Variants in CTSO observed in about 807,000 individuals in gnomAD.
The protein encoded by CTSO is cathepsin O.
Under a neutral mutation model 42.4 loss-of-function variants are expected in CTSO, and 40 were observed. The ratio of observed to expected loss-of-function variants is 0.94; its 90% CI spans 0.73 to 1.23. CTSO has a LOEUF of 1.23. CTSO is among the 50% of genes most tolerant of loss of function. The pLI, the probability that CTSO is intolerant of heterozygous loss-of-function variation, is 0.00. For synonymous variants in CTSO, 156 were observed against 146.2 expected (o/e 1.07, Z -0.48); for missense variants, 441 against 396.0 (o/e 1.11, Z -0.96).
chr4:155,948,303 C>T (rs1743584383), intron 1 of CTSO, among the ~76,000 whole-genome samples: 1 of 152,108 alleles, frequency 6.6e-6, no homozygotes, highest in Non-Finnish European at 1.5e-5. Flanking sequence ...AAGACTCTGT[C>T]CCTAAAGCTA....
intron 3 of CTSO, among the ~76,000 whole-genome samples, chr4:155,940,772 G>A (rs1743415993): frequency 6.6e-6 from 1 of 152,054 alleles, no homozygotes; most frequent in African/African-American, 2.4e-5. Flanking sequence ...GAACCTGGGA[G>A]GTGGAGGTTG....
At chr4:155,941,204 T>G (rs1297244830) in intron 3 of CTSO, among the ~76,000 whole-genome samples, 1 of 152,252 alleles carries the variant, frequency 6.6e-6, no homozygotes, top group Non-Finnish European at 1.5e-5. Context: ...CTGAATGATC[T>G]GTTGAGGTTT....
chr4:155,925,972 A>G lies in CTSO; in HGVS notation c.*64T>C. On this transcript the variant is annotated 3_prime_UTR_variant, in exon 8 of 8. Transcript: ENST00000433477. Reference sequence around the variant, plus strand: ...TTGAAGTTGAATAATACTTTGAAGTACTATGTTACATTGCATTATGAAAAC... The same window carrying G: ...TTGAAGTTGAATAATACTTTGAAGTGCTATGTTACATTGCATTATGAAAAC... 1 of 1,340,914 alleles carries G rather than the reference A, an allele frequency of 7.5e-7. No homozygotes were observed. Among genetic ancestry groups the G allele is most frequent in the South Asian group, 1.2e-5 (1 of 80,662 alleles). The allele number at this position is 1,340,914 out of a possible 1,614,324, so 83.1% of individuals were successfully genotyped here. A position where few individuals can be genotyped will look rare whatever the true frequency, so the allele number is the denominator to read the frequency against.
At chr4:155,950,323 G>A (rs555276582) in intron 1 of CTSO, among the ~76,000 whole-genome samples, 8 of 152,270 alleles carry the variant, frequency 5.3e-5, no homozygotes, top group Non-Finnish European at 1.0e-4. Flanking sequence ...ATTTCTTACA[G>A]GACAGCACGC....
chr4:155,942,227 G>T (rs1743453021), intron 3 of CTSO, 90 bp downstream of exon 3: 3 of 1,059,280 alleles, frequency 2.8e-6, no homozygotes, highest in Non-Finnish European at 2.6e-6. Flanking sequence ...CTAGAGAAAT[G>T]ATGTTTCCAT....
chr4:155,938,854 G>T (rs551623816), intron 4 of CTSO, among the ~76,000 whole-genome samples: 3 of 152,126 alleles, frequency 2.0e-5, no homozygotes, highest in Admixed American at 2.0e-4. Context: ...CTACTCCGGA[G>T]GCTGAAGCAG....
chr4:155,943,945 T>C (rs1464520859), intron 1 of CTSO, among the ~76,000 whole-genome samples: 1 of 152,196 alleles, frequency 6.6e-6, no homozygotes, highest in Non-Finnish European at 1.5e-5. Flanking sequence ...TAAACATGCT[T>C]CAATTTCGTA....
At chr4:155,927,987 T>G (rs987832325) in intron 7 of CTSO, among the ~76,000 whole-genome samples, 1 of 152,048 alleles carries the variant, frequency 6.6e-6, no homozygotes, top group African/African-American at 2.4e-5. Flanking sequence ...TAAGAAAAAT[T>G]TATAGTTATG....
intron 1 of CTSO, among the ~76,000 whole-genome samples, chr4:155,945,243 C>T (rs112855441): frequency 4.0e-5 from 6 of 151,264 alleles, no homozygotes; most frequent in Non-Finnish European, 5.9e-5. Context: ...GACGACAGAG[C>T]GAGCCTCCAA....
intron 1 of CTSO, among the ~76,000 whole-genome samples, chr4:155,951,782 T>C (rs2110941325): frequency 6.6e-6 from 1 of 152,272 alleles, no homozygotes; most frequent in Non-Finnish European, 1.5e-5. Flanking sequence ...CCTTTCCACC[T>C]TTCCCACTGT....
At chr4:155,936,988 T>C (rs752062108) in intron 5 of CTSO, among the ~76,000 whole-genome samples, 53 of 152,148 alleles carry the variant, frequency 3.5e-4, no homozygotes, top group Non-Finnish European at 6.0e-4. Flanking sequence ...ACCATTAAGA[T>C]TGAAATATGC....
intron 5 of CTSO, 30 bp from the exon 6 acceptor site, chr4:155,929,735 A>G (rs1743201137): frequency 6.3e-7 from 1 of 1,584,082 alleles, no homozygotes; most frequent in Non-Finnish European, 8.6e-7. Flanking sequence ...TTGGTTAGAA[A>G]ATTTAGTTTT....
chr4:155,932,540 A>C lies in CTSO; in HGVS notation c.675-2835T>G, dbSNP rs555354998. 1.6e-3 allele frequency among the ~76,000 whole-genome samples: 242 copies of C among 152,322 alleles called. 1 individual carries two copies. Among genetic ancestry groups the C allele is most frequent in the African/African-American group, 4.5e-3 (188 of 41,574 alleles). ...CCAACTTGCAACAATGAGATCCTGC[A>C]GTTCTTTCCCTGAGCCCTTTTCCTC... On this transcript the variant is annotated intron_variant, in intron 5 of 7. Transcript: ENST00000433477.
chr4:155,931,621 T>C (rs747092535), intron 5 of CTSO, among the ~76,000 whole-genome samples: 1 of 152,094 alleles, frequency 6.6e-6, no homozygotes, highest in Non-Finnish European at 1.5e-5. Context: ...CAAATAATGC[T>C]CCAGACAGCA....
chr4:155,934,416 C>T (rs543264676), intron 5 of CTSO, among the ~76,000 whole-genome samples: 1 of 152,210 alleles, frequency 6.6e-6, no homozygotes, highest in Admixed American at 6.5e-5. Flanking sequence ...GGAGGCTCCA[C>T]ACAGAGTCCC....
intron 5 of CTSO, among the ~76,000 whole-genome samples, chr4:155,935,085 G>A (rs891722567): frequency 1.3e-5 from 2 of 152,074 alleles, no homozygotes; most frequent in African/African-American, 2.4e-5. Flanking sequence ...TGAATTCATG[G>A]GGGCTGGTCT....
At chr4:155,933,947 G>T (rs1038741051) in intron 5 of CTSO, among the ~76,000 whole-genome samples, 6 of 152,106 alleles carry the variant, frequency 3.9e-5, no homozygotes, top group African/African-American at 1.4e-4. Context: ...CCCATTTTTT[G>T]AGGAGACATT....
chr4:155,943,082 A>G (rs1226546813), intron 2 of CTSO, 74 bp downstream of exon 2: 4 of 875,626 alleles, frequency 4.6e-6, no homozygotes, highest in Non-Finnish European at 7.4e-6. Flanking sequence ...TAGATTTACA[A>G]TGAAATATTT....
chr4:155,952,486 CTT>C (rs1295201448), intron 1 of CTSO, among the ~76,000 whole-genome samples: 3 of 152,196 alleles, frequency 2.0e-5, no homozygotes, highest in Non-Finnish European at 2.9e-5. Context: ...GTGAAACTGA[CTT>C]TTCCCCTAAG....
Sources: gnomAD v4.1 joint callset for allele counts (sites outside exome capture counted in the v4.1 genomes callset) on GRCh38, gnomAD v4.1.1 for gene constraint, MANE v1.5 for transcripts, NCBI Gene and HGNC (gene_info 2026-07-23, HGNC 2026-07-21) for gene names.